Variants in GIGYF2 observed in about 807,000 individuals in gnomAD.
GIGYF2 encodes the protein GRB10-interacting GYF protein 2.
Under a neutral mutation model 208.1 loss-of-function variants are expected in GIGYF2, and 25 were observed. The ratio of observed to expected loss-of-function variants is 0.12; its 90% CI spans 0.09 to 0.17. The LOEUF is 0.17. Ranked by LOEUF, GIGYF2 falls within the 10% of genes least tolerant of loss-of-function variation. The probability of loss-of-function intolerance (pLI) is 1.00; values close to 1 mark genes in which losing one functional copy is unlikely to be tolerated. For missense variants in GIGYF2, 1,302 were observed against 1,579.4 expected, an observed-to-expected ratio of 0.82 and a Z score of 2.98; for synonymous variants, 534 against 543.8, an observed-to-expected ratio of 0.98 and a Z score of 0.25.
At position 232,704,319 on chromosome 2, in the gene GIGYF2, A is replaced by AACGT. The variant is rs1259003875; in HGVS notation, c.-44+833_-44+836dup. 4.6e-5 allele frequency among the ~76,000 whole-genome samples: 7 copies of AACGT among 152,218 alleles called. 1 individual carries two copies. Among genetic ancestry groups the AACGT allele is most frequent in the Non-Finnish European group, 1.0e-4 (7 of 68,034 alleles). ...TTCGATTTATCTGTTCTAAAGAGTT[A>AACGT]ACGTACATGCCTATCTATCTTTTGG... On this transcript the variant is annotated intron_variant, in intron 2 of 28. Transcript: ENST00000373563.
At chr2:232,853,487 A>C (rs1419944716) in intron 28 of GIGYF2, among the ~76,000 whole-genome samples, 1 of 152,090 alleles carries the variant, frequency 6.6e-6, no homozygotes, top group African/African-American at 2.4e-5. Context: ...GTTGGCCCGG[A>C]TGGTCTTGAT....
intron 12 of GIGYF2, 42 bp downstream of exon 12, chr2:232,791,488 C>T: frequency 6.5e-7 from 1 of 1,540,270 alleles, no homozygotes; most frequent in African/African-American, 1.4e-5. Context: ...TAGGATTCTG[C>T]TGAGGCCAGT....
chr2:232,763,689 C>A lies in GIGYF2; in HGVS notation c.532+2253C>A, dbSNP rs573165961. Among the ~76,000 whole-genome samples, 4 of 151,906 alleles carry A rather than the reference C, an allele frequency of 2.6e-5. No homozygotes were observed. In the South Asian group the frequency reaches 6.2e-4, roughly 24 times the overall value. ...AAAATACAAAAAAAAATTAGCCAGG[C>A]GTGGTGGGTGAGCACCTGTACTTCC... On this transcript the variant is annotated intron_variant, in intron 8 of 28. Transcript: ENST00000373563.
At chr2:232,698,524 T>G (rs1695708025) in intron 1 of GIGYF2, among the ~76,000 whole-genome samples, 1 of 152,196 alleles carries the variant, frequency 6.6e-6, no homozygotes, top group African/African-American at 2.4e-5. Flanking sequence ...GTACATTAAT[T>G]TTGCTCCTTC....
rs559498619 is a variant in GIGYF2, at chr2:232,766,908, CA to C, written c.532+5475del. 2.0e-5 allele frequency: 3 copies of C among 152,278 alleles called. No homozygotes were observed. In the South Asian group the frequency reaches 6.2e-4, roughly 32 times the overall value. 9.4% of individuals were successfully genotyped at this position (152,278 alleles called of 1,614,324 possible). ...GGGAAATTTCAGAAAAGAACAGCCA[CA>C]AATCTGTTTGAAACCTGATAGGGTG... On this transcript the variant is annotated intron_variant, in intron 8 of 28. Transcript: ENST00000373563.
chr2:232,720,583 A>ATTTTT (rs1553605416), intron 2 of GIGYF2, among the ~76,000 whole-genome samples: 15,421 of 144,530 alleles, frequency 0.11, 855 homozygotes, highest in South Asian at 0.15. Flanking sequence ...ATATATATAT[A>ATTTTT]TTTTTGTTTG....
chr2:232,704,855 G>GTTTTTT (rs1559370305), intron 2 of GIGYF2, among the ~76,000 whole-genome samples: 10 of 79,498 alleles, frequency 1.3e-4, no homozygotes, highest in East Asian at 3.8e-4. Flanking sequence ...TTAACTTCTG[G>GTTTTTT]ATTTTTTTTT....
intron 8 of GIGYF2, among the ~76,000 whole-genome samples, chr2:232,785,785 T>C (rs935183951): frequency 1.3e-5 from 2 of 152,232 alleles, no homozygotes; most frequent in African/African-American, 4.8e-5. Context: ...TGAATCTCAA[T>C]ATATGTAAGA....
intron 3 of GIGYF2, among the ~76,000 whole-genome samples, chr2:232,744,490 A>T (rs1559398626): frequency 6.6e-6 from 1 of 151,830 alleles, no homozygotes; most frequent in African/African-American, 2.4e-5. Flanking sequence ...TTTAAATAGG[A>T]TTTTGAGACC....
Position 232,806,417 on chromosome 2 carries a change from G to T in GIGYF2, c.1640-74G>T. The T allele has an allele frequency of 9.8e-7, 1 of 1,019,504 alleles. No homozygotes were observed. The allele number at this position is 1,019,504 out of a possible 1,614,324, so 63.2% of individuals were successfully genotyped here. The stretch of plus-strand genomic sequence containing the variant: ...GATGCCACCTCGATGAGAATCAGAT[G>T]CAGGAAATATTTTTTTTCTCTTTGA... On this transcript the variant is annotated intron_variant, in intron 14 of 28. Coordinates refer to ENST00000373563, the MANE Select transcript of GIGYF2 (RefSeq NM_001103146.3). The surrounding 1 kb of genome is among the most constrained non-coding windows in gnomAD (Gnocchi z 4.0).
chr2:232,773,910 TAAA>T (rs61323973), intron 8 of GIGYF2, among the ~76,000 whole-genome samples: 25 of 112,780 alleles, frequency 2.2e-4, no homozygotes, highest in African/African-American at 4.4e-4. Context: ...TGTCTCTATT[TAAA>T]AAAAAAAAAA....
At chr2:232,780,785 A>G (rs897748176) in intron 8 of GIGYF2, among the ~76,000 whole-genome samples, 4 of 152,218 alleles carry the variant, frequency 2.6e-5, no homozygotes, top group Non-Finnish European at 4.4e-5. Context: ...GACGTTACAG[A>G]AGGAGGAAGC....
At chr2:232,776,145 C>G (rs12996714) in intron 8 of GIGYF2, among the ~76,000 whole-genome samples, 2 of 151,628 alleles carry the variant, frequency 1.3e-5, no homozygotes, top group African/African-American at 2.4e-5. Flanking sequence ...TTTTTTTCCT[C>G]AAGCCACTGA....
At chr2:232,844,623 G>A (rs371457766) in intron 25 of GIGYF2, 49 bp downstream of exon 25, 1 of 1,264,946 alleles carries the variant, frequency 7.9e-7, no homozygotes, top group Non-Finnish European at 1.1e-6. Context: ...GTTGGGAGGT[G>A]GGGATGGAGG....
rs1270766257 is a variant in GIGYF2, at chr2:232,815,734, A to G, written c.2205A>G (p.Ala735=). 3.3e-6 allele frequency: 5 copies of G among 1,524,312 alleles called. No individual in the cohort carries two copies. Among genetic ancestry groups the G allele is most frequent in the Non-Finnish European group, 2.7e-6 (3 of 1,097,996 alleles). 94.4% of individuals were successfully genotyped at this position (1,524,312 alleles called of 1,614,324 possible). Residue 735 remains alanine, a synonymous_variant, in exon 19 of 29, where the codon GCA becomes GCG. Coordinates refer to ENST00000373563, the MANE Select transcript of GIGYF2 (RefSeq NM_001103146.3). ...QLQQLEKAKA[A]KLEQERREAE... ...AGCAGCTAGAGAAGGCCAAAGCTGC[A>G]AAGGTCTGAAACTCATTCTTCTGCA...
At position 232,814,564 on chromosome 2, in the gene GIGYF2, A is replaced by ACCCC. The variant is rs1187503725; in HGVS notation, c.2108-1073_2108-1072insCCCC. On this transcript the variant is annotated intron_variant, in intron 18 of 28. Coordinates refer to ENST00000373563, the MANE Select transcript of GIGYF2 (RefSeq NM_001103146.3). ...GGTGACAGAGTGAGACTCCACCTCA[A>ACCCC]ACCCCCCCCCCCCAAAAAAAAAGTA... 9.6e-3 allele frequency among the ~76,000 whole-genome samples: 624 copies of ACCCC among 64,998 alleles called. 110 individuals are homozygous for ACCCC. Among genetic ancestry groups the ACCCC allele is most frequent in the Non-Finnish European group, 0.016 (502 of 32,102 alleles). The allele number at this position is 64,998 out of a possible 152,430, so 42.6% of individuals were successfully genotyped here.
chr2:232,809,870 C>T, intron 16 of GIGYF2, 59 bp downstream of exon 16: 1 of 975,386 alleles, frequency 1.0e-6, no homozygotes, highest in South Asian at 1.3e-5. Context: ...TAAATAGAAT[C>T]TGCTCTCAAG....
At position 232,732,264 on chromosome 2, in the gene GIGYF2, G is replaced by A. The variant is rs534292335; in HGVS notation, c.-43-2891G>A. ...GCTGCTGCATGTGGTCATATGGGTT[G>A]TGCAGTGTCATCAGTATCGGTAGCA... On this transcript the variant is annotated intron_variant, in intron 2 of 28. Transcript: ENST00000373563. Among the ~76,000 whole-genome samples the A allele has an allele frequency of 6.0e-4, 92 of 152,298 alleles. 1 individual carries two copies. Among genetic ancestry groups the A allele is most frequent in the African/African-American group, 2.1e-3 (89 of 41,548 alleles).
At chr2:232,815,589 T>C (rs369226390) in intron 18 of GIGYF2, 48 bp from the exon 19 acceptor site, 2 of 975,280 alleles carry the variant, frequency 2.1e-6, no homozygotes, top group Non-Finnish European at 3.3e-6. Flanking sequence ...TATGTCACCA[T>C]GTGTGTAAGC....
Sources: gnomAD v4.1 joint callset for allele counts (sites outside exome capture counted in the v4.1 genomes callset) on GRCh38, gnomAD v4.1.1 for gene constraint, Gnocchi (gnomAD v3.1) non-coding constraint, MANE v1.5 for transcripts, NCBI Gene and HGNC (gene_info 2026-07-23, HGNC 2026-07-21) for gene names.